Variants in VWF observed in about 807,000 individuals in gnomAD.
The protein encoded by VWF is von Willebrand factor.
VWF carries 176 observed loss-of-function variants against 308.6 expected under a neutral mutation model. The ratio of observed to expected loss-of-function variants is 0.57; its 90% confidence interval spans 0.50 to 0.65. The LOEUF is 0.65. Among genes scored for constraint, VWF ranks in the 30% least tolerant of loss-of-function variants. The pLI is 0.00. For synonymous variants in VWF, 1,385 were observed against 1,443.4 expected (o/e 0.96, Z 0.92); for missense variants, 3,146 against 3,648.2 (o/e 0.86, Z 3.55).
At chr12:6,015,047 G>A (rs1944040918) in intron 31 of VWF, among the ~76,000 whole-genome samples, 3 of 152,198 alleles carry the variant, frequency 2.0e-5, no homozygotes, top group Non-Finnish European at 2.9e-5. Flanking sequence ...GGTTGGAACG[G>A]ATTTTCTATT....
chr12:6,097,240 T>G (rs547050055), intron 5 of VWF, among the ~76,000 whole-genome samples: 1 of 151,990 alleles, frequency 6.6e-6, no homozygotes, highest in East Asian at 1.9e-4. Context: ...ATCAAGACCA[T>G]CCTGGCCAAG....
chr12:6,120,858 C>G (rs1013717093), intron 3 of VWF, among the ~76,000 whole-genome samples: 8 of 152,126 alleles, frequency 5.3e-5, no homozygotes, highest in African/African-American at 1.9e-4. Flanking sequence ...TTTACACGTT[C>G]CAAAGCACCT....
intron 40 of VWF, among the ~76,000 whole-genome samples, chr12:5,983,756 T>TATAGGATAGATAG (rs970713208): frequency 6.6e-5 from 9 of 137,256 alleles, no homozygotes; most frequent in African/African-American, 2.3e-4. Flanking sequence ...GACAGATAGA[T>TATAGGATAGATAG]ACATACATAG....
At chr12:6,067,778 G>A (rs1206307604) in intron 10 of VWF, among the ~76,000 whole-genome samples, 1 of 152,074 alleles carries the variant, frequency 6.6e-6, no homozygotes, top group Non-Finnish European at 1.5e-5. Context: ...ATGGAGATGG[G>A]CACTGGAAGT....
chr12:6,115,665 G>T (rs772949492), intron 3 of VWF, among the ~76,000 whole-genome samples: 1 of 152,086 alleles, frequency 6.6e-6, no homozygotes, highest in African/African-American at 2.4e-5. Flanking sequence ...TTTTACAGAC[G>T]GAGAAACGAA....
At chr12:6,018,079 TC>T (rs1944082759) in intron 28 of VWF, among the ~76,000 whole-genome samples, 1 of 149,710 alleles carries the variant, frequency 6.7e-6, no homozygotes, top group Non-Finnish European at 1.5e-5. Flanking sequence ...TTTTTTTTAC[TC>T]CTTATTGGCA....
intron 6 of VWF, among the ~76,000 whole-genome samples, chr12:6,078,768 C>T (rs1944873035): frequency 6.6e-6 from 1 of 152,120 alleles, no homozygotes. Flanking sequence ...GGAATCCAGG[C>T]ACCCTCCCCT....
At chr12:5,996,506 T>C (rs1241442518) in intron 34 of VWF, among the ~76,000 whole-genome samples, 4 of 152,148 alleles carry the variant, frequency 2.6e-5, no homozygotes, top group Non-Finnish European at 4.4e-5. Context: ...AATTTAAATG[T>C]ACAGTGTGAA....
chr12:6,011,987 G>C, intron 33 of VWF, 100 bp downstream of exon 33: 1 of 1,450,788 alleles, frequency 6.9e-7, no homozygotes, highest in Non-Finnish European at 9.7e-7. Context: ...GTAAAAGGAA[G>C]CACTGGACTA....
intron 3 of VWF, among the ~76,000 whole-genome samples, chr12:6,113,393 G>A (rs2136526133): frequency 6.6e-6 from 1 of 151,878 alleles, no homozygotes; most frequent in Admixed American, 6.6e-5. Flanking sequence ...CGCCTCCCGG[G>A]TTCACGCCAT....
chr12:6,099,226 A>C (rs1429283855), intron 5 of VWF, among the ~76,000 whole-genome samples: 1 of 151,182 alleles, frequency 6.6e-6, no homozygotes, highest in African/African-American at 2.4e-5. Flanking sequence ...AGGCTGAGGC[A>C]GAAGAACCAC....
intron 31 of VWF, among the ~76,000 whole-genome samples, chr12:6,014,098 G>A (rs1407848485): frequency 6.6e-6 from 1 of 152,050 alleles, no homozygotes; most frequent in Non-Finnish European, 1.5e-5. Context: ...AAGGATGGAA[G>A]GAGCCAAGAG....
rs180780877 is a variant in VWF at position 5,997,684 on chromosome 12, G to C, written c.5843-1462C>G. On this transcript the variant is annotated intron_variant, in intron 34 of 51. Transcript: ENST00000261405. The stretch of plus-strand genomic sequence containing the variant: ...AACAAACAGATCTCCAAATCTTTAT[G>C]AATAAGACACAAAATAAATTCAATA... 6.3e-4 allele frequency among the ~76,000 whole-genome samples: 96 copies of C among 152,276 alleles called. No homozygotes were observed. In the East Asian group the frequency reaches 0.013, roughly 20 times the overall value.
chr12:6,059,781 CAGTA>C (rs1420938525), intron 13 of VWF, among the ~76,000 whole-genome samples: 3 of 152,182 alleles, frequency 2.0e-5, no homozygotes, highest in East Asian at 1.9e-4. Context: ...AGCAGACACT[CAGTA>C]AGTGTTTGTT....
At chr12:6,080,547 G>A (rs1944898274) in intron 6 of VWF, among the ~76,000 whole-genome samples, 1 of 152,206 alleles carries the variant, frequency 6.6e-6, no homozygotes, top group South Asian at 2.1e-4. Context: ...TGCAGGGCAG[G>A]AGGGAGGCCA....
intron 34 of VWF, among the ~76,000 whole-genome samples, chr12:6,007,529 A>G (rs1362374696): frequency 1.3e-5 from 2 of 152,206 alleles, no homozygotes; most frequent in Non-Finnish European, 2.9e-5. Context: ...AGAAAAACAA[A>G]AACTAAAGCA....
chr12:6,017,759 C>T (rs1944079141), intron 28 of VWF, among the ~76,000 whole-genome samples: 1 of 152,084 alleles, frequency 6.6e-6, no homozygotes, highest in Admixed American at 6.6e-5. Context: ...AAGTATTTGC[C>T]TCATCCTTTG....
At chr12:6,036,266 G>C (rs1349993645) in intron 19 of VWF, 122 bp downstream of exon 19, 1 of 804,712 alleles carries the variant, frequency 1.2e-6, no homozygotes, top group Non-Finnish European at 2.1e-6. Flanking sequence ...CGGAGGAAAG[G>C]CAGAGAGTAA....
In VWF at chr12:5,976,238, A is replaced by G; in HGVS notation, c.7310T>C (p.Ile2437Thr). 3 of 1,614,148 alleles carry G rather than the reference A, an allele frequency of 1.9e-6. No individual in the cohort carries two copies. The South Asian group carries it at 3.3e-5, about 18-fold the overall frequency. The stretch of plus-strand genomic sequence containing the variant: ...CTCCCAGAACTGGCCCACAGGGTAG[A>G]TGGTGCTTCGGTGGACACACACCTG... ...PDKVCVHRST[I>T]YPVGQFWEEG... is the part of the protein sequence containing the mutation. The change falls in exon 43 of 52, where the codon ATC becomes ACC. Residue 2437 changes from isoleucine (I) to threonine (T), a missense_variant. By Grantham distance (89) the Ile-to-Thr change is moderately conservative. Around this residue, in one of 3 missense-constraint regions of VWF, gnomAD observed 989 missense variants for 1,117.4 expected, o/e 0.89. Coordinates refer to ENST00000261405, the MANE Select transcript of VWF (RefSeq NM_000552.5).
Sources: allele counts gnomAD v4.1 joint callset (sites outside exome capture counted in the v4.1 genomes callset), GRCh38; gene constraint gnomAD v4.1.1; regional missense constraint gnomAD v4.1.1; transcripts MANE v1.5; gene names NCBI Gene and HGNC (gene_info 2026-07-23, HGNC 2026-07-21).